COG5: variants seen among roughly 807,000 people sequenced by gnomAD.
COG5 encodes the protein component of oligomeric golgi complex 5, also known as conserved oligomeric Golgi complex subunit 5.
In COG5, 86 loss-of-function variants were observed where a neutral mutation model predicts 110.4. That is an observed-to-expected ratio of 0.78 (90% CI 0.65 to 0.93). COG5 has a LOEUF of 0.93. Among genes scored for constraint, COG5 ranks in the 40% least tolerant of loss-of-function variants. The pLI is 0.00. For synonymous variants in COG5, 360 were observed against 334.6 expected (o/e 1.08, Z -0.83); for missense variants, 1,077 against 987.0 (o/e 1.09, Z -1.22).
chr7:107,535,351 C>G (rs901502694), intron 5 of COG5, among the ~76,000 whole-genome samples: 12 of 151,416 alleles, frequency 7.9e-5, no homozygotes, highest in African/African-American at 2.4e-4. Context: ...ATGAAAAACC[C>G]TTCAAAAAAA....
At chr7:107,485,065 C>T (rs1378789526) in intron 6 of COG5, among the ~76,000 whole-genome samples, 1 of 152,162 alleles carries the variant, frequency 6.6e-6, no homozygotes, top group Admixed American at 6.6e-5. Flanking sequence ...GGACTGATAA[C>T]CTTCAGAAAT....
chr7:107,350,002 CT>C (rs1811994658), intron 10 of COG5, among the ~76,000 whole-genome samples: 1 of 152,180 alleles, frequency 6.6e-6, no homozygotes, highest in Non-Finnish European at 1.5e-5. Context: ...CTGATTTTAC[CT>C]GTTCGTTTTT....
At chr7:107,293,378 G>A (rs1238017237) in intron 12 of COG5, among the ~76,000 whole-genome samples, 1 of 152,140 alleles carries the variant, frequency 6.6e-6, no homozygotes, top group Admixed American at 6.5e-5. Context: ...CTGAGAGCTA[G>A]GAGGGAGCCC....
intron 6 of COG5, among the ~76,000 whole-genome samples, chr7:107,497,764 T>A (rs1584896960): frequency 6.6e-6 from 1 of 152,274 alleles, no homozygotes; most frequent in Middle Eastern, 3.4e-3. Context: ...AATCCCAATG[T>A]CATTTTTTAG....
chr7:107,310,548 T>C (rs894566900), intron 11 of COG5, among the ~76,000 whole-genome samples: 1 of 152,152 alleles, frequency 6.6e-6, no homozygotes, highest in Admixed American at 6.5e-5. Context: ...ACGGACACCC[T>C]TGAAGGGAGA....
At chr7:107,240,738 C>G (rs1801551633) in intron 17 of COG5, among the ~76,000 whole-genome samples, 1 of 152,080 alleles carries the variant, frequency 6.6e-6, no homozygotes, top group Non-Finnish European at 1.5e-5. Flanking sequence ...TCACATAAGC[C>G]ATATATATAT....
At chr7:107,438,870 C>G (rs1164909442) in intron 6 of COG5, among the ~76,000 whole-genome samples, 1 of 152,188 alleles carries the variant, frequency 6.6e-6, no homozygotes, top group Non-Finnish European at 1.5e-5. Flanking sequence ...CTTCTACAGT[C>G]TTTCAAGTAG....
intron 6 of COG5, among the ~76,000 whole-genome samples, chr7:107,461,509 T>G (rs1324107246): frequency 6.6e-6 from 1 of 152,086 alleles, no homozygotes; most frequent in Admixed American, 6.5e-5. Context: ...CCTGAAGACA[T>G]GGAAAAAAGC....
At chr7:107,440,106 G>A (rs887600850) in intron 6 of COG5, among the ~76,000 whole-genome samples, 8 of 152,164 alleles carry the variant, frequency 5.3e-5, no homozygotes, top group African/African-American at 1.9e-4. Flanking sequence ...TCCTCACTCA[G>A]TATTCTCCAC....
At chr7:107,361,768 G>A (rs747799649) in intron 10 of COG5, among the ~76,000 whole-genome samples, 2 of 152,036 alleles carry the variant, frequency 1.3e-5, no homozygotes, top group Non-Finnish European at 2.9e-5. Flanking sequence ...CACCATATTG[G>A]TCAGGCTGGT....
chr7:107,281,325 A>G lies in COG5; in HGVS notation c.1550T>C (p.Leu517Ser), dbSNP rs1805146717. The G allele has an allele frequency of 6.2e-7, 1 of 1,613,068 alleles. No individual in the cohort carries two copies. The highest frequency in any genetic ancestry group is 8.5e-7 in the Non-Finnish European group (1 of 1,179,158). Reference protein sequence around the residue: ...VSKNVAKTIQLYSVKSEQLLS... With the variant: ...VSKNVAKTIQSYSVKSEQLLS... Reference sequence around the variant, plus strand: ...AAGCTGCTCTGATTTTACACTGTATAACTGGATGGTCTTTGCCACATTTTT... The same window carrying G: ...AAGCTGCTCTGATTTTACACTGTATGACTGGATGGTCTTTGCCACATTTTT... The change falls in exon 14 of 22, where the codon TTA becomes TCA. Residue 517 changes from leucine to serine, a missense_variant. Physicochemically the swap from Leu to Ser is moderately radical, Grantham distance 145 (BLOSUM62 -2). Transcript: ENST00000297135.
intron 6 of COG5, among the ~76,000 whole-genome samples, chr7:107,425,794 T>C (rs1054693081): frequency 6.7e-6 from 1 of 150,134 alleles, no homozygotes; most frequent in East Asian, 1.9e-4. Context: ...TACTATGTGT[T>C]ATGGGTTGAA....
At chr7:107,530,601 CAAAA>C (rs953588412) in intron 5 of COG5, among the ~76,000 whole-genome samples, 2 of 47,768 alleles carry the variant, frequency 4.2e-5, no homozygotes, top group African/African-American at 8.0e-5. Context: ...AACTCCATCT[CAAAA>C]AAAAAAAAAA....
chr7:107,465,244 C>A (rs186165141), intron 6 of COG5, among the ~76,000 whole-genome samples: 1 of 152,182 alleles, frequency 6.6e-6, no homozygotes, highest in Admixed American at 6.5e-5. Flanking sequence ...AAAAAACTCC[C>A]AAGACTAATA....
At chr7:107,513,106 A>C (rs1181354088) in intron 6 of COG5, among the ~76,000 whole-genome samples, 1 of 151,404 alleles carries the variant, frequency 6.6e-6, no homozygotes, top group African/African-American at 2.4e-5. Flanking sequence ...CAGAGTGAAC[A>C]GGCAACCTAC....
At chr7:107,245,243 C>T (rs1248738952) in intron 17 of COG5, among the ~76,000 whole-genome samples, 1 of 152,096 alleles carries the variant, frequency 6.6e-6, no homozygotes, top group Non-Finnish European at 1.5e-5. Flanking sequence ...CATGACAAAT[C>T]CACAGCCAAC....
chr7:107,412,474 C>T (rs1792372891), intron 7 of COG5, 28 bp downstream of exon 7: 2 of 1,598,436 alleles, frequency 1.3e-6, no homozygotes, highest in African/African-American at 1.4e-5. Context: ...ACATTTTTTA[C>T]ATTAAAAAAC....
chr7:107,408,027 A>G (rs1791991772), intron 7 of COG5, among the ~76,000 whole-genome samples: 1 of 152,232 alleles, frequency 6.6e-6, no homozygotes, highest in South Asian at 2.1e-4. Context: ...TGGAAATCAG[A>G]CACTAATAGA....
intron 6 of COG5, among the ~76,000 whole-genome samples, chr7:107,446,132 T>C (rs1794993243): frequency 6.6e-6 from 1 of 152,246 alleles, no homozygotes; most frequent in African/African-American, 2.4e-5. Flanking sequence ...AAATCAGTGA[T>C]AGTCTTCTAT....
Sources: gnomAD v4.1 joint callset for allele counts (sites outside exome capture counted in the v4.1 genomes callset) on GRCh38, gnomAD v4.1.1 for gene constraint, MANE v1.5 for transcripts, NCBI Gene and HGNC (gene_info 2026-07-23, HGNC 2026-07-21) for gene names.